The following GMEB1 variants were observed in gnomAD, a reference collection of about 807,000 sequenced individuals.
GMEB1 encodes glucocorticoid modulatory element binding protein 1, also known as glucocorticoid modulatory element-binding protein 1.
In GMEB1, 6 loss-of-function variants were observed where a neutral mutation model predicts 52.4. That is an observed-to-expected ratio of 0.11 (90% confidence interval 0.06 to 0.23). GMEB1 has a LOEUF of 0.23. Ranked by LOEUF, GMEB1 falls within the 10% of genes least tolerant of loss-of-function variation. The pLI is 1.00. For synonymous variants in GMEB1, 255 were observed against 244.9 expected (o/e 1.04, Z -0.38); for missense variants, 486 against 685.6 (o/e 0.71, Z 3.25).
In GMEB1 at chr1:28,703,595, G is replaced by C. The variant is rs1393361928; in HGVS notation, c.731-597G>C. Among the ~76,000 whole-genome samples the C allele has an allele frequency of 5.3e-5, 8 of 152,054 alleles. No homozygotes were observed. In the East Asian group the frequency reaches 1.2e-3, roughly 22 times the overall value. On this transcript the variant is annotated intron_variant, in intron 7 of 9. Coordinates refer to ENST00000373816, the MANE Select transcript of GMEB1 (RefSeq NM_001319674.2). ...GAAGCACTTGAACCTGGGAGGTGGA[G>C]GTTGCAGTGAGCTGATATCACGCCA... is the stretch of plus-strand genomic sequence containing the variant.
At chr1:28,700,982 C>T (rs559189129) in intron 6 of GMEB1, among the ~76,000 whole-genome samples, 3 of 152,038 alleles carry the variant, frequency 2.0e-5, no homozygotes, top group Admixed American at 6.6e-5. Flanking sequence ...ATGCAAAACC[C>T]GGGTCTATGA....
chr1:28,668,968 G>A (rs1185850732), intron 1 of GMEB1, 129 bp downstream of exon 1: 1 of 143,652 alleles, frequency 7.0e-6, no homozygotes, highest in African/African-American at 2.5e-5. Context: ...TGCCTCCGCG[G>A]GCGCCTCCCC....
chr1:28,690,201 G>GTTTTTTTT lies in GMEB1; in HGVS notation c.211+16_211+17insTTTTTTTT. ...AGAAGGGATTGGTAAGGGTTTTTTT[G>GTTTTTTTT]TGTTTTTTTTTTTTTTTTTTTTTGT... On this transcript the variant is annotated intron_variant, in intron 3 of 9. Coordinates refer to ENST00000373816, the MANE Select transcript of GMEB1 (RefSeq NM_001319674.2). 3.4e-6 allele frequency: 2 copies of GTTTTTTTT among 582,838 alleles called. No individual in the cohort carries two copies. The highest frequency in any genetic ancestry group is 2.9e-5 in the South Asian group (1 of 34,790). The allele number at this position is 582,838 out of a possible 1,614,324, so 36.1% of individuals were successfully genotyped here. A position where few individuals can be genotyped will look rare whatever the true frequency, so the allele number is the denominator to read the frequency against.
At chr1:28,694,750 G>A (rs1397543556) in intron 5 of GMEB1, among the ~76,000 whole-genome samples, 1 of 150,934 alleles carries the variant, frequency 6.6e-6, no homozygotes, top group South Asian at 2.1e-4. Flanking sequence ...TGCAACTTCC[G>A]CCTCCCAGGT....
chr1:28,683,830 GAACATTT>G, intron 2 of GMEB1, 90 bp downstream of exon 2: 1 of 1,247,602 alleles, frequency 8.0e-7, no homozygotes, highest in Non-Finnish European at 1.1e-6. Flanking sequence ...TAGCACAATG[GAACATTT>G]AACATCAATC....
At chr1:28,688,312 T>C (rs1318327162) in intron 2 of GMEB1, among the ~76,000 whole-genome samples, 1 of 152,180 alleles carries the variant, frequency 6.6e-6, no homozygotes, top group Non-Finnish European at 1.5e-5. Context: ...CAAATGTATT[T>C]ATTCATTTAG....
chr1:28,698,738 C>G (rs1670353000), intron 6 of GMEB1, among the ~76,000 whole-genome samples: 1 of 151,048 alleles, frequency 6.6e-6, no homozygotes. Context: ...AATCCTAGCA[C>G]TTTGGGAGGC....
At position 28,692,956 on chromosome 1, in the gene GMEB1, G is replaced by A; in HGVS notation, c.351G>A (p.Leu117=). Reference sequence around the variant, plus strand: ...TTTACTTTTAGTTCAATGATCAGTTGATCAGCCCCAAGCACTTTGTTCATC... The same window carrying A: ...TTTACTTTTAGTTCAATGATCAGTTAATCAGCCCCAAGCACTTTGTTCATC... The part of the protein sequence containing the change: ...NVKCVKFNDQ[L]ISPKHFVHLA... The change falls in exon 5 of 10, where the codon TTG becomes TTA. Residue 117 remains leucine (L), a synonymous_variant. Transcript: ENST00000373816. 1.9e-6 allele frequency: 3 copies of A among 1,595,436 alleles called. No homozygotes were observed. Among genetic ancestry groups the A allele is most frequent in the Non-Finnish European group, 1.7e-6 (2 of 1,169,114 alleles).
At chr1:28,685,756 C>T (rs773349727) in intron 2 of GMEB1, among the ~76,000 whole-genome samples, 6 of 151,928 alleles carry the variant, frequency 3.9e-5, no homozygotes, top group Non-Finnish European at 7.4e-5. Context: ...GTCAGGAGTT[C>T]GAGACCAGCA....
intron 6 of GMEB1, 58 bp from the exon 7 acceptor site, chr1:28,702,380 G>A: frequency 6.9e-7 from 1 of 1,443,800 alleles, no homozygotes; most frequent in Non-Finnish European, 9.7e-7. Flanking sequence ...TGAGATATAG[G>A]ATAGCTATAA....
chr1:28,684,378 A>G (rs1319924785), intron 2 of GMEB1, among the ~76,000 whole-genome samples: 1 of 151,944 alleles, frequency 6.6e-6, no homozygotes, highest in South Asian at 2.1e-4. Flanking sequence ...CCTGGCTAAC[A>G]TGGTGAAACC....
intron 1 of GMEB1, among the ~76,000 whole-genome samples, chr1:28,672,094 A>G (rs527888629): frequency 1.4e-4 from 21 of 151,588 alleles, no homozygotes; most frequent in Admixed American, 3.9e-4. Context: ...CCTGGGCAAC[A>G]AGAGAGAAAC....
intron 9 of GMEB1, 121 bp downstream of exon 9, chr1:28,710,763 T>C (rs776581232): frequency 8.9e-5 from 49 of 553,226 alleles, no homozygotes; most frequent in Non-Finnish European, 1.3e-4. Context: ...ATTTTGCTTT[T>C]AAAAATAAAA....
chr1:28,691,397 G>T (rs1669956546), intron 3 of GMEB1, among the ~76,000 whole-genome samples, 188 bp from the exon 4 acceptor site: 1 of 152,162 alleles, frequency 6.6e-6, no homozygotes, highest in Non-Finnish European at 1.5e-5. Context: ...ACATAGTATG[G>T]TGTCTGGCAC....
rs536844632 is a variant in GMEB1 at position 28,673,913 on chromosome 1, C to T, written c.-31+5074C>T. On this transcript the variant is annotated intron_variant, in intron 1 of 9. Transcript: ENST00000373816. ...TGCCTGTCCCAGCACTTTGGGAGGC[C>T]GTGGTGGGTGGATCACGAGGTCAGG... 1.1e-4 allele frequency among the ~76,000 whole-genome samples: 16 copies of T among 151,900 alleles called. No individual in the cohort carries two copies. The East Asian group carries it at 2.3e-3, about 22-fold the overall frequency.
chr1:28,689,709 T>G (rs534041421), intron 2 of GMEB1: 1 of 157,518 alleles, frequency 6.3e-6, no homozygotes, highest in South Asian at 2.0e-4. Flanking sequence ...TGAAGGTAAC[T>G]GTTTGTAGAT....
intron 1 of GMEB1, among the ~76,000 whole-genome samples, chr1:28,672,921 G>A (rs1452319581): frequency 6.7e-6 from 1 of 149,114 alleles, no homozygotes; most frequent in Non-Finnish European, 1.5e-5. Flanking sequence ...TTTTTTTTGA[G>A]TTTTGCTCTT....
At chr1:28,708,745 C>T (rs1454811951) in intron 8 of GMEB1, among the ~76,000 whole-genome samples, 1 of 152,104 alleles carries the variant, frequency 6.6e-6, no homozygotes, top group Admixed American at 6.6e-5. Context: ...CCACCACGCC[C>T]AGCACTCTGG....
At chr1:28,686,456 C>T (rs1213784722) in intron 2 of GMEB1, among the ~76,000 whole-genome samples, 1 of 151,798 alleles carries the variant, frequency 6.6e-6, no homozygotes, top group Non-Finnish European at 1.5e-5. Context: ...TGGTGAAACC[C>T]CGTCTCTACT....
Sources: allele counts gnomAD v4.1 joint callset (sites outside exome capture counted in the v4.1 genomes callset), GRCh38; gene constraint gnomAD v4.1.1; transcripts MANE v1.5; gene names NCBI Gene and HGNC (gene_info 2026-07-23, HGNC 2026-07-21).